Variants in FGF13 observed in about 807,000 individuals in gnomAD.
FGF13 encodes fibroblast growth factor 13.
FGF13 carries 2 observed loss-of-function variants against 19.5 expected under a neutral mutation model. The observed-to-expected ratio is 0.10, with a 90% CI of 0.04 to 0.32. FGF13 has a LOEUF of 0.32. Ranked by LOEUF, FGF13 falls within the 10% of genes least tolerant of loss-of-function variation. The pLI is 1.00. For missense variants in FGF13, 113 were observed against 192.7 expected (o/e 0.59, Z 2.45); for synonymous variants, 72 against 76.9 (o/e 0.94, Z 0.33).
upstream of FGF13, among the ~76,000 whole-genome samples, chrX:138,743,522 T>C (rs1461157614): frequency 1.8e-5 from 2 of 111,309 alleles, no homozygotes; most frequent in African/African-American, 6.5e-5. Context: ...ATGTAATCTA[T>C]GGACTTTCGG....
intron 3 of FGF13, among the ~76,000 whole-genome samples, chrX:138,840,100 T>A (rs1253626129): frequency 8.9e-6 from 1 of 111,752 alleles, no homozygotes; most frequent in Non-Finnish European, 1.9e-5. Flanking sequence ...AAACCTGACT[T>A]GAGGCAATAT....
chrX:138,634,305 C>T (rs2089156199), intron 4 of FGF13, among the ~76,000 whole-genome samples: 1 of 111,882 alleles, frequency 8.9e-6, no homozygotes, highest in Admixed American at 9.4e-5. Context: ...CGCCATTCTC[C>T]GGACCTCGTG....
intron 1 of FGF13, among the ~76,000 whole-genome samples, chrX:139,101,487 T>A (rs1390895018): frequency 8.9e-6 from 1 of 112,509 alleles, no homozygotes; most frequent in Non-Finnish European, 1.9e-5. Flanking sequence ...TGAAACAGAT[T>A]TGCAATTTTG....
chrX:139,132,130 A>C (rs1176594321), intron 1 of FGF13, among the ~76,000 whole-genome samples: 1 of 111,919 alleles, frequency 8.9e-6, no homozygotes, highest in African/African-American at 3.2e-5. Flanking sequence ...AGTATTTAAT[A>C]GCTTTTTCTC....
intron 1 of FGF13, among the ~76,000 whole-genome samples, chrX:139,001,049 AT>A (rs1304351733): frequency 2.7e-5 from 3 of 111,799 alleles, no homozygotes; most frequent in African/African-American, 9.8e-5. Flanking sequence ...CAACCATCTG[AT>A]CTTTGACAAA....
chrX:138,848,631 T>C (rs918254288), intron 3 of FGF13, among the ~76,000 whole-genome samples: 17 of 111,906 alleles, frequency 1.5e-4, no homozygotes, highest in Admixed American at 8.6e-4. Flanking sequence ...GTATCTCTTA[T>C]TTGAAATGCT....
At chrX:138,823,902 T>C (rs2091016050) in intron 3 of FGF13, among the ~76,000 whole-genome samples, 1 of 112,128 alleles carries the variant, frequency 8.9e-6, no homozygotes, top group Non-Finnish European at 1.9e-5. Context: ...AGGTGAAGCA[T>C]GTGAGTGAAC....
At chrX:139,051,246 C>T (rs1302776112) in intron 1 of FGF13, among the ~76,000 whole-genome samples, 2 of 111,755 alleles carry the variant, frequency 1.8e-5, no homozygotes, top group Non-Finnish European at 3.8e-5. Flanking sequence ...CATTCCAGCC[C>T]TAGAACTGGC....
At chrX:139,079,989 CCATCAT>C (rs59209433) in intron 1 of FGF13, among the ~76,000 whole-genome samples, 7 of 106,435 alleles carry the variant, frequency 6.6e-5, no homozygotes, top group South Asian at 4.3e-4. Context: ...GTCATCATCA[CCATCAT>C]CATCATCATC....
rs1490115046 is a variant in FGF13 at position 139,033,043 on chromosome X, A to AAAAAAAAAC, written c.-112-168394_-112-168393insGTTTTTTTT. Among the ~76,000 whole-genome samples, 547 of 102,737 alleles carry AAAAAAAAAC rather than the reference A, an allele frequency of 5.3e-3. 20 individuals are homozygous for AAAAAAAAAC. Among genetic ancestry groups the AAAAAAAAAC allele is most frequent in the African/African-American group, 0.019 (518 of 27,617 alleles). 89.2% of individuals were successfully genotyped at this position (102,737 alleles called of 115,157 possible). On this transcript the variant is annotated intron_variant, in intron 1 of 2. Coordinates refer to the FGF13 transcript ENST00000421460. Reference sequence around the variant, plus strand: ...CTGATTATCCAAAAAAAAAAAAAAAAAAAAAAAAAAAACTACAGCTCACAT... The same window carrying AAAAAAAAAC: ...CTGATTATCCAAAAAAAAAAAAAAAAAAAAAAAACAAAAAAAAAAAACTACAGCTCACAT...
chrX:138,926,319 C>A (rs552669777), intron 1 of FGF13, among the ~76,000 whole-genome samples: 11 of 112,441 alleles, frequency 9.8e-5, no homozygotes, highest in Admixed American at 7.5e-4. Flanking sequence ...CACAGCATGA[C>A]CCAAACAAAG....
chrX:139,172,174 T>C (rs2084139182), intron 1 of FGF13, among the ~76,000 whole-genome samples: 1 of 112,143 alleles, frequency 8.9e-6, no homozygotes, highest in South Asian at 3.7e-4. Flanking sequence ...AAAATTCCCA[T>C]ATACTTTCAC....
chrX:138,825,729 A>C (rs901937158), intron 3 of FGF13, among the ~76,000 whole-genome samples: 2 of 111,909 alleles, frequency 1.8e-5, no homozygotes, highest in African/African-American at 6.5e-5. Flanking sequence ...CTAGCATATA[A>C]TATGTTAAAT....
chrX:138,650,567 T>C (rs992649123), intron 3 of FGF13, among the ~76,000 whole-genome samples: 3 of 111,557 alleles, frequency 2.7e-5, no homozygotes, highest in South Asian at 7.5e-4. Flanking sequence ...CTATAAACAA[T>C]ACACTACATT....
In FGF13 at chrX:138,781,265, G is replaced by T. The variant is rs772707933; in HGVS notation, c.218-72337C>A. On this transcript the variant is annotated intron_variant, in intron 3 of 6. Transcript: ENST00000436198. ...CATCACAATTAAAAGAACTAGAAAA[G>T]CAAGAGCAAACACATTCAAAAGCTA... Among the ~76,000 whole-genome samples the T allele has an allele frequency of 1.2e-3, 128 of 108,645 alleles. 1 individual carries two copies. The highest frequency in any genetic ancestry group is 4.1e-3 in the African/African-American group (121 of 29,523). The allele number at this position is 108,645 out of a possible 115,157, so 94.3% of individuals were successfully genotyped here.
At chrX:139,068,933 G>A (rs1829528479) in intron 1 of FGF13, among the ~76,000 whole-genome samples, 1 of 110,206 alleles carries the variant, frequency 9.1e-6, no homozygotes, top group African/African-American at 3.3e-5. Flanking sequence ...ACACCAGTTA[G>A]AATGGCAATC....
At chrX:139,096,614 A>G (rs771882286) in intron 1 of FGF13, among the ~76,000 whole-genome samples, 2 of 112,031 alleles carry the variant, frequency 1.8e-5, no homozygotes, top group East Asian at 5.6e-4. Context: ...GTTTAATAAC[A>G]TTGATTTAGC....
intron 1 of FGF13, among the ~76,000 whole-genome samples, chrX:138,924,786 C>T (rs1382897517): frequency 4.7e-5 from 5 of 107,225 alleles, no homozygotes; most frequent in African/African-American, 1.7e-4. Context: ...GACATCCTAA[C>T]CAAGGGACCA....
chrX:138,995,734 G>C (rs1345598947), intron 1 of FGF13, among the ~76,000 whole-genome samples: 2 of 112,205 alleles, frequency 1.8e-5, no homozygotes, highest in African/African-American at 3.2e-5. Context: ...TTAATTCCAT[G>C]TCTTTGGTAT....
Sources: allele counts gnomAD v4.1 joint callset (sites outside exome capture counted in the v4.1 genomes callset), GRCh38; gene constraint gnomAD v4.1.1; transcripts MANE v1.5; gene names NCBI Gene and HGNC (gene_info 2026-07-23, HGNC 2026-07-21).